TMEM72: variants seen among roughly 807,000 people sequenced by gnomAD.
The protein encoded by TMEM72 is transmembrane protein 72.
Under a neutral mutation model 16.3 loss-of-function variants are expected in TMEM72, and 9 were observed. The observed-to-expected ratio is 0.55, with a 90% CI of 0.33 to 0.96. The LOEUF is 0.96. Among genes scored for constraint, TMEM72 ranks in the 40% least tolerant of loss-of-function variants. The probability of loss-of-function intolerance (pLI) is 0.03; values close to 1 mark genes in which losing one functional copy is unlikely to be tolerated. For synonymous variants in TMEM72, 160 were observed against 146.5 expected (o/e 1.09, Z -0.66); for missense variants, 324 against 337.8 (o/e 0.96, Z 0.32).
intron 1 of TMEM72, among the ~76,000 whole-genome samples, chr10:44,926,467 G>A (rs1840194990): frequency 6.6e-6 from 1 of 152,200 alleles, no homozygotes; most frequent in African/African-American, 2.4e-5. Context: ...GTGCAACATG[G>A]TGTGGAAGCT....
chr10:44,914,970 C>T (rs544770098), intron 1 of TMEM72, among the ~76,000 whole-genome samples: 133 of 152,284 alleles, frequency 8.7e-4, no homozygotes, highest in African/African-American at 3.2e-3. Flanking sequence ...TGGGAAGAGC[C>T]CCCTTTGTGG....
Position 44,934,919 on chromosome 10 carries a change from C to T in TMEM72, c.613C>T (p.Leu205=). Residue 205 remains leucine (L), a synonymous_variant, in exon 5 of 5, where the codon CTG becomes TTG. Transcript: ENST00000389583. ...KPSALQPPNT[L]MELSLEPADS... is the part of the protein sequence containing the mutation. ...CAGTGCCCTCCAGCCCCCCAACACC[C>T]TGATGGAGCTGAGCCTGGAGCCAGC... 3 of 1,613,670 alleles carry T rather than the reference C, an allele frequency of 1.9e-6. No homozygotes were observed. The highest frequency in any genetic ancestry group is 2.5e-6 in the Non-Finnish European group (3 of 1,179,878).
chr10:44,913,116 C>A (rs150187333), intron 1 of TMEM72, among the ~76,000 whole-genome samples: 155 of 152,222 alleles, frequency 1.0e-3, no homozygotes, highest in African/African-American at 3.6e-3. Flanking sequence ...TTCAGAACCA[C>A]GTTGTCGTCT....
intron 1 of TMEM72, among the ~76,000 whole-genome samples, chr10:44,915,672 C>T (rs184937991): frequency 6.6e-6 from 1 of 152,134 alleles, no homozygotes; most frequent in South Asian, 2.1e-4. Flanking sequence ...TGCCCTTGGT[C>T]AGTTCTGATC....
At chr10:44,932,649 GGTCAGTGAGAGA>G (rs1302346733) in intron 3 of TMEM72, among the ~76,000 whole-genome samples, 15 of 152,202 alleles carry the variant, frequency 9.9e-5, no homozygotes, top group Non-Finnish European at 1.8e-4. Flanking sequence ...GTCCCTGGGT[GGTCAGTGAGAGA>G]GCCAGTCTTC....
At position 44,931,919 on chromosome 10, in the gene TMEM72, G is replaced by T. The variant is rs149036277; in HGVS notation, c.138-79G>T. ...TTGGCTGTAGATGTGATGTCAGGAGGCCACGTGTGAGAAGACAGCCCTCAG... is the reference window on the plus strand; with the variant it reads ...TTGGCTGTAGATGTGATGTCAGGAGTCCACGTGTGAGAAGACAGCCCTCAG... On this transcript the variant is annotated intron_variant, in intron 2 of 4. Coordinates refer to ENST00000389583, the MANE Select transcript of TMEM72 (RefSeq NM_001123376.3). 2.3e-3 allele frequency: 3,350 copies of T among 1,428,592 alleles called. 51 individuals carry two copies. In the African/African-American group the frequency reaches 0.035, roughly 15 times the overall value. The allele number at this position is 1,428,592 out of a possible 1,614,324, so 88.5% of individuals were successfully genotyped here. A position where few individuals can be genotyped will look rare whatever the true frequency, so the allele number is the denominator to read the frequency against.
intron 3 of TMEM72, among the ~76,000 whole-genome samples, chr10:44,933,203 G>A (rs1016690705): frequency 6.6e-6 from 1 of 152,226 alleles, no homozygotes; most frequent in Non-Finnish European, 1.5e-5. Flanking sequence ...GGTGAACAGG[G>A]CACAGCTGGG....
At chr10:44,928,311 C>CATCCATCT (rs1238824481) in intron 2 of TMEM72, among the ~76,000 whole-genome samples, 1 of 151,782 alleles carries the variant, frequency 6.6e-6, no homozygotes, top group Non-Finnish European at 1.5e-5. Flanking sequence ...CCAATCCACT[C>CATCCATCT]ATCCATCTAT....
chr10:44,924,195 C>T (rs1033161503), intron 1 of TMEM72, among the ~76,000 whole-genome samples: 3 of 152,214 alleles, frequency 2.0e-5, no homozygotes, highest in African/African-American at 7.2e-5. Context: ...CCGACTGTGC[C>T]CCTGCTTCTG....
At chr10:44,925,319 T>A (rs1020862463) in intron 1 of TMEM72, among the ~76,000 whole-genome samples, 4 of 152,188 alleles carry the variant, frequency 2.6e-5, no homozygotes, top group African/African-American at 9.7e-5. Flanking sequence ...GCCAAACAGG[T>A]GCAGGTCAGG....
intron 1 of TMEM72, 50 bp downstream of exon 1, chr10:44,911,632 T>C (rs1839939468): frequency 6.5e-7 from 1 of 1,538,446 alleles, no homozygotes; most frequent in African/African-American, 1.4e-5. Context: ...GCACCACAGA[T>C]AGGGCTGCCT....
At chr10:44,934,384 A>G (rs1363465343) in intron 4 of TMEM72, among the ~76,000 whole-genome samples, 1 of 152,076 alleles carries the variant, frequency 6.6e-6, no homozygotes, top group African/African-American at 2.4e-5. Flanking sequence ...ACCCATCTAC[A>G]ATACAGGGAA....
At chr10:44,923,972 C>A (rs1299356811) in intron 1 of TMEM72, among the ~76,000 whole-genome samples, 3 of 152,194 alleles carry the variant, frequency 2.0e-5, no homozygotes, top group Non-Finnish European at 1.5e-5. Flanking sequence ...TAGCAGATAC[C>A]CTGTGCTGGG....
intron 1 of TMEM72, among the ~76,000 whole-genome samples, chr10:44,915,904 G>A (rs190136704): frequency 2.4e-4 from 36 of 152,190 alleles, no homozygotes; most frequent in Admixed American, 7.8e-4. Context: ...ATTTCCAGGG[G>A]GAACTATCAC....
At chr10:44,914,434 C>T (rs756951977) in intron 1 of TMEM72, among the ~76,000 whole-genome samples, 10 of 152,210 alleles carry the variant, frequency 6.6e-5, no homozygotes, top group Non-Finnish European at 1.3e-4. Context: ...GGGGGGCAGG[C>T]GCCCATGGGT....
intron 1 of TMEM72, among the ~76,000 whole-genome samples, chr10:44,917,762 T>C (rs17157244): frequency 0.017 from 2,600 of 152,184 alleles, 92 homozygotes; most frequent in African/African-American, 0.057. Flanking sequence ...CAGAGAACAA[T>C]GGGAGCATGG....
intron 1 of TMEM72, among the ~76,000 whole-genome samples, chr10:44,918,344 C>T (rs1444491021): frequency 6.6e-6 from 1 of 152,110 alleles, no homozygotes; most frequent in Non-Finnish European, 1.5e-5. Flanking sequence ...CTGCAGAGTC[C>T]TTCCTCATCA....
chr10:44,911,498 C>T lies in TMEM72; in HGVS notation c.-15C>T. 6.5e-7 allele frequency: 1 copy of T among 1,550,268 alleles called. No homozygotes were observed. The highest frequency in any genetic ancestry group is 1.4e-5 in the African/African-American group (1 of 73,176). On this transcript the variant is annotated 5_prime_UTR_variant, in exon 1 of 5. Transcript: ENST00000389583. ...CTGCCTGCCCTGCCAGGACTTTGTC[C>T]TCACCCCTGGCACCATGCAGCTCCA...
At chr10:44,924,675 A>G (rs1840157046) in intron 1 of TMEM72, among the ~76,000 whole-genome samples, 1 of 152,226 alleles carries the variant, frequency 6.6e-6, no homozygotes, top group Non-Finnish European at 1.5e-5. Context: ...ACGAACCCCA[A>G]AAGTGGGAGG....
Sources: gnomAD v4.1 joint callset for allele counts (sites outside exome capture counted in the v4.1 genomes callset) on GRCh38, gnomAD v4.1.1 for gene constraint, MANE v1.5 for transcripts, NCBI Gene and HGNC (gene_info 2026-07-23, HGNC 2026-07-21) for gene names.